MACROD2: variants seen among roughly 807,000 people sequenced by gnomAD.
MACROD2 encodes mono-ADP ribosylhydrolase 2, also known as ADP-ribose glycohydrolase MACROD2.
Under a neutral mutation model 70.4 loss-of-function variants are expected in MACROD2, and 36 were observed. The ratio of observed to expected loss-of-function variants is 0.51; its 90% CI spans 0.39 to 0.68. The LOEUF is 0.68. Among genes scored for constraint, MACROD2 ranks in the 30% least tolerant of loss-of-function variants. The pLI, the probability that MACROD2 is intolerant of heterozygous loss-of-function variation, is 0.00. For synonymous variants in MACROD2, 172 were observed against 178.8 expected (o/e 0.96, Z 0.30); for missense variants, 496 against 538.4 (o/e 0.92, Z 0.78).
chr20:14,481,889 A>G (rs1171277528), intron 3 of MACROD2, among the ~76,000 whole-genome samples: 6 of 152,248 alleles, frequency 3.9e-5, no homozygotes, highest in Non-Finnish European at 1.5e-5. Flanking sequence ...ATTGCCTGAT[A>G]CATAATAGAT....
At chr20:15,794,822 GAACGCTATTTCT>G (rs1190271360) in intron 8 of MACROD2, among the ~76,000 whole-genome samples, 1 of 152,132 alleles carries the variant, frequency 6.6e-6, no homozygotes, top group Non-Finnish European at 1.5e-5. Context: ...CCGTAACAGA[GAACGCTATTTCT>G]CTCAAACCAT....
chr20:14,948,798 A>G (rs1392882630), intron 5 of MACROD2, among the ~76,000 whole-genome samples: 2 of 152,224 alleles, frequency 1.3e-5, no homozygotes, highest in Non-Finnish European at 2.9e-5. Flanking sequence ...CTAGCCTAAT[A>G]CAGGACTTTC....
At chr20:14,460,707 A>C (rs1439636742) in intron 3 of MACROD2, among the ~76,000 whole-genome samples, 1 of 152,140 alleles carries the variant, frequency 6.6e-6, no homozygotes, top group Non-Finnish European at 1.5e-5. Context: ...GGTTCTGCTT[A>C]TGTAATGGAT....
At chr20:15,645,951 T>A (rs2049534382) in intron 8 of MACROD2, among the ~76,000 whole-genome samples, 1 of 152,226 alleles carries the variant, frequency 6.6e-6, no homozygotes, top group South Asian at 2.1e-4. Flanking sequence ...AGAAGTATTA[T>A]TTGCTGTTCA....
chr20:15,293,846 A>G (rs929245826), intron 6 of MACROD2, among the ~76,000 whole-genome samples: 5 of 152,194 alleles, frequency 3.3e-5, no homozygotes, highest in African/African-American at 1.2e-4. Context: ...GGCCAGGCGC[A>G]GTGGCTCATG....
intron 5 of MACROD2, among the ~76,000 whole-genome samples, chr20:14,950,529 C>T (rs1484000330): frequency 6.6e-6 from 1 of 152,174 alleles, no homozygotes; most frequent in African/African-American, 2.4e-5. Flanking sequence ...GACCTGGTCT[C>T]ACCAATGAAC....
chr20:15,159,778 A>G (rs1232182080), intron 5 of MACROD2, among the ~76,000 whole-genome samples: 10 of 151,934 alleles, frequency 6.6e-5, no homozygotes, highest in Admixed American at 5.9e-4. Context: ...GCATGGGCAC[A>G]CACACACAAT....
chr20:16,037,327 G>T (rs2067248933), intron 15 of MACROD2, among the ~76,000 whole-genome samples: 1 of 151,904 alleles, frequency 6.6e-6, no homozygotes, highest in African/African-American at 2.4e-5. Context: ...TAGATAGAAA[G>T]TTCTCTGTGA....
chr20:15,758,425 A>G (rs1208614955), intron 8 of MACROD2, among the ~76,000 whole-genome samples: 1 of 150,826 alleles, frequency 6.6e-6, no homozygotes, highest in African/African-American at 2.4e-5. Flanking sequence ...TTTTTAGTAG[A>G]CACGGGGTTT....
At chr20:15,371,510 C>A (rs2045493712) in intron 6 of MACROD2, among the ~76,000 whole-genome samples, 1 of 152,084 alleles carries the variant, frequency 6.6e-6, no homozygotes, top group Non-Finnish European at 1.5e-5. Flanking sequence ...GTAAAGACCA[C>A]CAACAGTGCT....
chr20:15,920,112 C>G (rs1014579921), intron 10 of MACROD2, among the ~76,000 whole-genome samples: 4 of 152,144 alleles, frequency 2.6e-5, no homozygotes, highest in Non-Finnish European at 4.4e-5. Context: ...AAAATGACAG[C>G]TGATGCCTTC....
intron 8 of MACROD2, among the ~76,000 whole-genome samples, chr20:15,635,916 A>C (rs1423094110): frequency 6.6e-6 from 1 of 151,672 alleles, no homozygotes; most frequent in Non-Finnish European, 1.5e-5. Context: ...AAAAATACAA[A>C]AATTAGCTGG....
intron 3 of MACROD2, among the ~76,000 whole-genome samples, chr20:14,353,720 G>A (rs1049145863): frequency 1.1e-4 from 16 of 152,224 alleles, no homozygotes; most frequent in African/African-American, 3.1e-4. Flanking sequence ...GGCCAGAGGC[G>A]TTTATTCCTC....
At chr20:15,447,435 C>T (rs2146386759) in intron 7 of MACROD2, among the ~76,000 whole-genome samples, 1 of 152,292 alleles carries the variant, frequency 6.6e-6, no homozygotes, top group Middle Eastern at 3.4e-3. Context: ...TCAAGTGAGG[C>T]AGTGCCCATC....
intron 2 of MACROD2, among the ~76,000 whole-genome samples, chr20:14,007,171 A>G (rs1391013494): frequency 6.6e-6 from 1 of 151,284 alleles, no homozygotes; most frequent in Non-Finnish European, 1.5e-5. Context: ...TTCCTTATTT[A>G]TTTGTCAGAC....
At chr20:15,752,758 A>T (rs2051291637) in intron 8 of MACROD2, among the ~76,000 whole-genome samples, 1 of 152,082 alleles carries the variant, frequency 6.6e-6, no homozygotes, top group Admixed American at 6.6e-5. Flanking sequence ...TCTCCCAGGA[A>T]GCTCATCTAA....
chr20:14,768,040 G>C (rs2072114783), intron 5 of MACROD2, among the ~76,000 whole-genome samples: 2 of 152,078 alleles, frequency 1.3e-5, no homozygotes, highest in African/African-American at 4.8e-5. Context: ...GTCTATCGTT[G>C]TTGGACATTT....
At chr20:14,786,828 G>C (rs1352016230) in intron 5 of MACROD2, among the ~76,000 whole-genome samples, 2 of 152,048 alleles carry the variant, frequency 1.3e-5, no homozygotes, top group East Asian at 3.9e-4. Flanking sequence ...TGGGTATTCA[G>C]ATTCCTGTTT....
intron 5 of MACROD2, among the ~76,000 whole-genome samples, chr20:15,139,982 G>A (rs569640627): frequency 1.3e-5 from 2 of 152,310 alleles, no homozygotes; most frequent in African/African-American, 2.4e-5. Flanking sequence ...GATGGGTATC[G>A]CCATTGAGGC....
Sources: allele counts gnomAD v4.1 joint callset (sites outside exome capture counted in the v4.1 genomes callset), GRCh38; gene constraint gnomAD v4.1.1; transcripts MANE v1.5; gene names NCBI Gene and HGNC (gene_info 2026-07-23, HGNC 2026-07-21).